Variants in ZFAT observed in about 807,000 individuals in gnomAD.
ZFAT encodes zinc finger protein ZFAT.
ZFAT carries 64 observed loss-of-function variants against 117.7 expected under a neutral mutation model. The ratio of observed to expected loss-of-function variants is 0.54; its 90% CI spans 0.44 to 0.67. The LOEUF is 0.67. Ranked by LOEUF, ZFAT falls within the 30% of genes least tolerant of loss-of-function variation. ZFAT has a pLI of 0.00. For synonymous variants in ZFAT, 679 were observed against 615.0 expected (o/e 1.10, Z -1.54); for missense variants, 1,433 against 1,584.5 (o/e 0.90, Z 1.62).
At chr8:134,746,537 C>T in the ZFAT span, among the ~76,000 whole-genome samples, 1 of 152,206 alleles carries the variant, frequency 6.6e-6, no homozygotes. Flanking sequence ...CTCCACTAAA[C>T]TAATGTCAAG....
chr8:134,629,910 C>T (rs978689664), intron 3 of ZFAT, among the ~76,000 whole-genome samples: 2 of 152,220 alleles, frequency 1.3e-5, no homozygotes, highest in Non-Finnish European at 2.9e-5. Flanking sequence ...GGTGAAACCA[C>T]CCAGGCTCTC....
chr8:134,821,846 T>A, the ZFAT span, among the ~76,000 whole-genome samples: 1 of 152,228 alleles, frequency 6.6e-6, no homozygotes, highest in South Asian at 2.1e-4. Context: ...TAACCAAACA[T>A]TTTTGAGGCA....
upstream of ZFAT, among the ~76,000 whole-genome samples, chr8:134,713,854 A>G (rs1032493643): frequency 6.8e-6 from 1 of 147,970 alleles, no homozygotes; most frequent in African/African-American, 2.5e-5. Flanking sequence ...TCTACGTAGC[A>G]TCCATTCCTA....
At chr8:134,607,594 T>C (rs1228533810) in intron 5 of ZFAT, among the ~76,000 whole-genome samples, 2 of 152,206 alleles carry the variant, frequency 1.3e-5, no homozygotes, top group African/African-American at 4.8e-5. Flanking sequence ...ACATAAGAGG[T>C]GTTCAATTTG....
At chr8:134,586,124 T>C (rs1217426331) in intron 9 of ZFAT, among the ~76,000 whole-genome samples, 1 of 152,234 alleles carries the variant, frequency 6.6e-6, no homozygotes, top group Non-Finnish European at 1.5e-5. Context: ...CTGTTTCCTT[T>C]GTGATTCCTT....
At chr8:134,753,537 G>A in the ZFAT span, among the ~76,000 whole-genome samples, 2 of 152,168 alleles carry the variant, frequency 1.3e-5, no homozygotes, top group African/African-American at 2.4e-5. Context: ...CAAAAGATCA[G>A]GAGAGGTATG....
chr8:134,671,130 A>C (rs570619605), intron 1 of ZFAT, among the ~76,000 whole-genome samples: 1 of 152,200 alleles, frequency 6.6e-6, no homozygotes, highest in Non-Finnish European at 1.5e-5. Context: ...CAACCAAAAA[A>C]AGTCCAGGAC....
In ZFAT at chr8:134,637,806, C is replaced by T. The variant is rs757270632; in HGVS notation, c.197-94G>A. The T allele has an allele frequency of 2.7e-4, 396 of 1,492,600 alleles. 2 individuals are homozygous for T. Among genetic ancestry groups the T allele is most frequent in the Non-Finnish European group, 3.2e-4 (363 of 1,119,580 alleles). The allele number at this position is 1,492,600 out of a possible 1,614,324, so 92.5% of individuals were successfully genotyped here. A position where few individuals can be genotyped will look rare whatever the true frequency, so the allele number is the denominator to read the frequency against. ...CAAGTGTGAGGATATGTTCAGGTTT[C>T]ACGTTTCATTAAAAATGAAAAGTCT... On this transcript the variant is annotated intron_variant, in intron 2 of 15. Transcript: ENST00000377838.
chr8:134,695,562 C>T (rs1833788171), intron 1 of ZFAT, among the ~76,000 whole-genome samples: 2 of 151,626 alleles, frequency 1.3e-5, no homozygotes, highest in African/African-American at 2.4e-5. Flanking sequence ...AGCACCACCA[C>T]CCCCAGGCCC....
the ZFAT span, among the ~76,000 whole-genome samples, chr8:134,728,780 A>G: frequency 6.6e-6 from 1 of 152,242 alleles, no homozygotes; most frequent in African/African-American, 2.4e-5. Flanking sequence ...TATTAAAATC[A>G]GTTTGCACAC....
intron 1 of ZFAT, among the ~76,000 whole-genome samples, chr8:134,658,853 G>A (rs1306545009): frequency 6.6e-6 from 1 of 152,218 alleles, no homozygotes. Context: ...GAGGACCTCA[G>A]AGAAGCAGTC....
At chr8:134,825,407 A>C in the ZFAT span, among the ~76,000 whole-genome samples, 1 of 152,226 alleles carries the variant, frequency 6.6e-6, no homozygotes, top group African/African-American at 2.4e-5. Context: ...ACTCAGTCTT[A>C]AGAATTTTTA....
chr8:134,806,597 TC>T, the ZFAT span, among the ~76,000 whole-genome samples: 2 of 152,116 alleles, frequency 1.3e-5, no homozygotes, highest in Non-Finnish European at 2.9e-5. Context: ...TCTCCAAATC[TC>T]CCCTTTAATT....
At chr8:134,483,108 C>T (rs537053667) in intron 15 of ZFAT, among the ~76,000 whole-genome samples, 1 of 152,314 alleles carries the variant, frequency 6.6e-6, no homozygotes, top group Non-Finnish European at 1.5e-5. Context: ...TATGATCACA[C>T]TCTGTTTGCT....
chr8:134,801,173 TCTC>T, the ZFAT span, among the ~76,000 whole-genome samples: 1 of 151,938 alleles, frequency 6.6e-6, no homozygotes, highest in Admixed American at 6.6e-5. Flanking sequence ...CCCTCAACCC[TCTC>T]CTCATCTTCT....
chr8:134,623,134 C>T (rs1358895676), intron 3 of ZFAT, among the ~76,000 whole-genome samples: 1 of 152,126 alleles, frequency 6.6e-6, no homozygotes, highest in Non-Finnish European at 1.5e-5. Flanking sequence ...CAAGCATCTC[C>T]CACTGACCTC....
At chr8:134,713,049 C>T (rs1814084652), upstream of ZFAT, 2 of 625,606 alleles carry the variant, frequency 3.2e-6, no homozygotes, top group Admixed American at 4.4e-5. Flanking sequence ...TCGCCCTCCT[C>T]CCCACGGGGC....
At chr8:134,805,637 A>T in the ZFAT span, among the ~76,000 whole-genome samples, 1 of 152,232 alleles carries the variant, frequency 6.6e-6, no homozygotes, top group East Asian at 1.9e-4. Context: ...AAATATAAGT[A>T]AATCTGCATT....
At chr8:134,661,708 G>A (rs1197960805) in intron 1 of ZFAT, among the ~76,000 whole-genome samples, 1 of 152,212 alleles carries the variant, frequency 6.6e-6, no homozygotes, top group Non-Finnish European at 1.5e-5. Context: ...GAGGAGTCAG[G>A]CCAAGCAGGC....
Sources: gnomAD v4.1 joint callset for allele counts (sites outside exome capture counted in the v4.1 genomes callset) on GRCh38, gnomAD v4.1.1 for gene constraint, MANE v1.5 for transcripts, NCBI Gene and HGNC (gene_info 2026-07-23, HGNC 2026-07-21) for gene names.